The following ZNF678 variants were observed in gnomAD, a reference collection of about 807,000 sequenced individuals.
ZNF678 encodes hypothetical protein MGC42493.
A neutral mutation model predicts 3.0 loss-of-function variants in ZNF678; 5 were observed. The observed-to-expected ratio is 1.69, with a 90% CI of 0.88 to 3.56. ZNF678 has a LOEUF of 3.56. ZNF678 is among the 30% of genes most tolerant of loss of function. The pLI is 0.00. For synonymous variants in ZNF678, 218 were observed against 199.6 expected, an observed-to-expected ratio of 1.09 and a Z score of -0.78; for missense variants, 593 against 605.0, an observed-to-expected ratio of 0.98 and a Z score of 0.21.
chr1:227,670,413 G>A (rs1424742190), intron 5 of ZNF678, among the ~76,000 whole-genome samples: 1 of 152,210 alleles, frequency 6.6e-6, no homozygotes, highest in Non-Finnish European at 1.5e-5. Context: ...TAAACGAGTA[G>A]TTTGGCCTCC....
At position 227,675,075 on chromosome 1, in the gene ZNF678, C is replaced by T. The variant is rs961832658; in HGVS notation, c.227-2104C>T. Among the ~76,000 whole-genome samples the T allele has an allele frequency of 2.6e-5, 4 of 152,114 alleles. No individual in the cohort carries two copies. The South Asian group carries it at 6.2e-4, about 24-fold the overall frequency. On this transcript the variant is annotated intron_variant, in intron 5 of 5. Transcript: ENST00000608949. Reference sequence around the variant, plus strand: ...ATTGCTATGGTCTGAATTGTATTTCCCTAAAATTTACATATTGAAGCCGTA... The same window carrying T: ...ATTGCTATGGTCTGAATTGTATTTCTCTAAAATTTACATATTGAAGCCGTA...
At chr1:227,609,149 A>G (rs757792539) in intron 1 of ZNF678, among the ~76,000 whole-genome samples, 10 of 152,188 alleles carry the variant, frequency 6.6e-5, no homozygotes, top group Non-Finnish European at 1.5e-4. Flanking sequence ...TTTATAAGCC[A>G]TACTTGGAAA....
At chr1:227,668,184 A>C (rs376002929) in intron 5 of ZNF678, among the ~76,000 whole-genome samples, 1 of 152,300 alleles carries the variant, frequency 6.6e-6, no homozygotes, top group Admixed American at 6.5e-5. Flanking sequence ...TTTTGGGACA[A>C]TAATATACCT....
chr1:227,651,036 A>G lies in ZNF678; in HGVS notation c.45A>G (p.Gly15=). The change falls in exon 3 of 4, where the codon GGA becomes GGG. Residue 15 remains glycine, a synonymous_variant. Coordinates refer to ENST00000343776, the MANE Select transcript of ZNF678 (RefSeq NM_001367909.1). ...SLCIGVCAFE[G]ANTSTSFYKL... is the part of the protein sequence containing the mutation. Reference sequence around the variant, plus strand: ...GCATTGGTGTCTGTGCATTTGAAGGAGCAAACACCTCTACCAGTTTTTATA... The same window carrying G: ...GCATTGGTGTCTGTGCATTTGAAGGGGCAAACACCTCTACCAGTTTTTATA... The G allele has an allele frequency of 6.2e-7, 1 of 1,613,694 alleles. No homozygotes were observed. The highest frequency in any genetic ancestry group is 1.7e-4 in the Middle Eastern group (1 of 5,956).
intron 1 of ZNF678, among the ~76,000 whole-genome samples, chr1:227,566,441 G>A (rs1376637142): frequency 6.6e-6 from 1 of 152,212 alleles, no homozygotes; most frequent in Non-Finnish European, 1.5e-5. Context: ...CCAGTGAGCT[G>A]GTGCGAGAAC....
intron 1 of ZNF678, among the ~76,000 whole-genome samples, chr1:227,628,232 G>A (rs545263646): frequency 2.0e-5 from 3 of 152,278 alleles, no homozygotes; most frequent in Admixed American, 6.5e-5. Flanking sequence ...CCTTACTCAG[G>A]TATGCCATGT....
At chr1:227,636,261 A>G (rs958312774) in intron 1 of ZNF678, among the ~76,000 whole-genome samples, 2 of 152,168 alleles carry the variant, frequency 1.3e-5, no homozygotes, top group African/African-American at 4.8e-5. Flanking sequence ...GGGCTGGTAC[A>G]TGGGCTACTT....
At chr1:227,679,287 A>C (rs1337136325), downstream of ZNF678, among the ~76,000 whole-genome samples, 2 of 152,192 alleles carry the variant, frequency 1.3e-5, no homozygotes, top group African/African-American at 2.4e-5. Flanking sequence ...TCTTATGCCC[A>C]ATTTCTGCCC....
At chr1:227,607,187 T>G (rs1482967311) in intron 1 of ZNF678, among the ~76,000 whole-genome samples, 1 of 152,228 alleles carries the variant, frequency 6.6e-6, no homozygotes, top group Non-Finnish European at 1.5e-5. Context: ...AGAATTTGTT[T>G]TTATAATTTT....
At chr1:227,604,606 C>G (rs1273091830) in intron 1 of ZNF678, among the ~76,000 whole-genome samples, 1 of 152,096 alleles carries the variant, frequency 6.6e-6, no homozygotes, top group Non-Finnish European at 1.5e-5. Context: ...CACAGCTGAT[C>G]TCAAACTCCC....
chr1:227,593,865 CCCTTTT>C (rs1657487056), intron 1 of ZNF678, among the ~76,000 whole-genome samples: 1 of 117,176 alleles, frequency 8.5e-6, no homozygotes. Flanking sequence ...TCCCCCCCCC[CCCTTTT>C]TTTTTTTTTT....
intron 5 of ZNF678, among the ~76,000 whole-genome samples, chr1:227,674,179 G>C (rs964404813): frequency 6.6e-6 from 1 of 152,174 alleles, no homozygotes; most frequent in Non-Finnish European, 1.5e-5. Flanking sequence ...CTAAATAAAT[G>C]GTGGTGGTTT....
intron 1 of ZNF678, among the ~76,000 whole-genome samples, chr1:227,569,963 A>G (rs1384727226): frequency 6.6e-6 from 1 of 152,188 alleles, no homozygotes; most frequent in Non-Finnish European, 1.5e-5. Flanking sequence ...GCCTGATGAG[A>G]TCTTTTCTGG....
intron 1 of ZNF678, among the ~76,000 whole-genome samples, chr1:227,643,249 G>A (rs1446140996): frequency 6.6e-6 from 1 of 152,002 alleles, no homozygotes; most frequent in African/African-American, 2.4e-5. Context: ...TACCTTCTTA[G>A]GAATAAAATA....
intron 5 of ZNF678, among the ~76,000 whole-genome samples, chr1:227,669,517 C>T (rs529540924): frequency 6.6e-6 from 1 of 152,004 alleles, no homozygotes; most frequent in East Asian, 1.9e-4. Flanking sequence ...GGTGCGGTGG[C>T]GTGCGCCTGT....
chr1:227,675,984 C>G (rs1571930769), intron 5 of ZNF678, among the ~76,000 whole-genome samples: 1 of 152,102 alleles, frequency 6.6e-6, no homozygotes, highest in Admixed American at 6.5e-5. Context: ...AGATAAAATC[C>G]CATCCCACTA....
downstream of ZNF678, among the ~76,000 whole-genome samples, chr1:227,667,211 TTTTTTG>T (rs1374637328): frequency 5.3e-5 from 8 of 152,018 alleles, no homozygotes; most frequent in African/African-American, 1.9e-4. Context: ...ACCCAGCTAA[TTTTTTG>T]TAGAGACAGG....
intron 1 of ZNF678, among the ~76,000 whole-genome samples, chr1:227,621,289 T>G (rs997115876): frequency 6.6e-6 from 1 of 152,232 alleles, no homozygotes; most frequent in Non-Finnish European, 1.5e-5. Context: ...AAACTATGTA[T>G]TCCCAGTATG....
intron 1 of ZNF678, among the ~76,000 whole-genome samples, chr1:227,633,552 GTT>G (rs1491270291): frequency 1.3e-5 from 2 of 152,152 alleles, no homozygotes; most frequent in Non-Finnish European, 2.9e-5. Flanking sequence ...AGCTAATCCT[GTT>G]TCTCACAGAG....
Sources: allele counts gnomAD v4.1 joint callset (sites outside exome capture counted in the v4.1 genomes callset), GRCh38; gene constraint gnomAD v4.1.1; transcripts MANE v1.5; gene names NCBI Gene and HGNC (gene_info 2026-07-23, HGNC 2026-07-21).